The following NRG1 variants were observed in gnomAD, a reference collection of about 807,000 sequenced individuals.
NRG1 encodes neuregulin 1.
NRG1 carries 18 observed loss-of-function variants against 63.8 expected under a neutral mutation model. The observed-to-expected ratio is 0.28, with a 90% confidence interval of 0.19 to 0.42. The LOEUF is 0.42. Ranked by LOEUF, NRG1 falls within the 10% of genes least tolerant of loss-of-function variation. The pLI is 1.00. For missense variants in NRG1, 762 were observed against 814.7 expected (o/e 0.94, Z 0.79); for synonymous variants, 302 against 301.3 (o/e 1.00, Z -0.02).
At position 31,639,416 on chromosome 8, in the gene NRG1, C is replaced by T; in HGVS notation, c.22C>T (p.Arg8Ter). 3.3e-6 allele frequency: 5 copies of T among 1,534,810 alleles called. No individual in the cohort carries two copies. The highest frequency in any genetic ancestry group is 4.4e-6 in the Non-Finnish European group (5 of 1,146,482). Reference sequence around the variant, plus strand: ...CAGCATGGGGAAAGGACGCGCGGGCCGAGTTGGCACCACAGGTAAACAGGC... The same window carrying T: ...CAGCATGGGGAAAGGACGCGCGGGCTGAGTTGGCACCACAGGTAAACAGGC... Residue 8 changes from arginine to a stop codon, truncating the protein, a stop_gained, in exon 1 of 11, where the codon CGA (arginine) becomes TGA (stop). Transcript: ENST00000519301. LOFTEE classifies it high-confidence loss of function.
chr8:31,921,712 A>G (rs1249261405), intron 1 of NRG1, among the ~76,000 whole-genome samples: 2 of 152,146 alleles, frequency 1.3e-5, no homozygotes, highest in Non-Finnish European at 2.9e-5. Flanking sequence ...TGGAAACTAT[A>G]TTTGGCATCA....
chr8:32,258,986 T>G (rs1563241951), intron 1 of NRG1, among the ~76,000 whole-genome samples: 1 of 152,188 alleles, frequency 6.6e-6, no homozygotes, highest in Non-Finnish European at 1.5e-5. Flanking sequence ...GAAATGGAAG[T>G]CAGCACACCA....
chr8:32,522,113 A>G (rs191159187), intron 1 of NRG1, among the ~76,000 whole-genome samples: 6 of 152,246 alleles, frequency 3.9e-5, no homozygotes, highest in Admixed American at 2.0e-4. Flanking sequence ...TCCATTCCAG[A>G]GAAAGAATCA....
At chr8:32,660,574 A>C (rs1277897249) in intron 5 of NRG1, among the ~76,000 whole-genome samples, 2 of 152,232 alleles carry the variant, frequency 1.3e-5, no homozygotes, top group Non-Finnish European at 2.9e-5. Context: ...GACTTCAGGC[A>C]GCAAAGAATT....
At chr8:32,177,145 G>T (rs541531732) in intron 1 of NRG1, among the ~76,000 whole-genome samples, 2 of 152,184 alleles carry the variant, frequency 1.3e-5, no homozygotes, top group East Asian at 3.9e-4. Flanking sequence ...ATACTATGCA[G>T]CCATAAAAAA....
intron 1 of NRG1, among the ~76,000 whole-genome samples, chr8:32,012,236 G>A (rs544944224): frequency 3.3e-5 from 5 of 152,244 alleles, no homozygotes; most frequent in Admixed American, 6.6e-5. Context: ...GCTGCTGAAT[G>A]CTAATAGGTT....
intron 1 of NRG1, among the ~76,000 whole-genome samples, chr8:31,808,269 G>A (rs1822494353): frequency 6.6e-6 from 1 of 151,782 alleles, no homozygotes; most frequent in Admixed American, 6.6e-5. Context: ...GCTGATGTAT[G>A]GAAAATATTT....
At position 32,269,065 on chromosome 8, in the gene NRG1, C is replaced by G. The variant is rs117809479; in HGVS notation, c.38-326763C>G. Among the ~76,000 whole-genome samples the G allele has an allele frequency of 9.5e-3, 1,444 of 152,066 alleles. 11 individuals carry two copies. Among genetic ancestry groups the G allele is most frequent in the Non-Finnish European group, 0.016 (1,101 of 67,974 alleles). On this transcript the variant is annotated intron_variant, in intron 1 of 10. Transcript: ENST00000519301. ...CTGTACATTCCTCCTTCCCTCCTTC[C>G]CTCTCTTTTCCTCTCTCCCTCCCTC... is the stretch of plus-strand genomic sequence containing the variant.
At chr8:32,720,998 G>A (rs1820488512) in intron 5 of NRG1, among the ~76,000 whole-genome samples, 1 of 152,274 alleles carries the variant, frequency 6.6e-6, no homozygotes, top group African/African-American at 2.4e-5. Context: ...GTTTTATCAG[G>A]AGAAACACCC....
At chr8:32,369,058 T>G (rs892913407) in intron 1 of NRG1, among the ~76,000 whole-genome samples, 1 of 152,240 alleles carries the variant, frequency 6.6e-6, no homozygotes, top group African/African-American at 2.4e-5. Flanking sequence ...TATCCTGTGT[T>G]CCACTATTTT....
At chr8:32,065,083 G>A (rs1347515916) in intron 1 of NRG1, among the ~76,000 whole-genome samples, 2 of 151,704 alleles carry the variant, frequency 1.3e-5, no homozygotes, top group East Asian at 1.9e-4. Flanking sequence ...ATATGAAAAT[G>A]CACATAATCA....
chr8:32,312,153 G>GTTTTTTTTT (rs767575805), intron 1 of NRG1, among the ~76,000 whole-genome samples: 5 of 98,234 alleles, frequency 5.1e-5, no homozygotes, highest in Non-Finnish European at 6.0e-5. Context: ...ATTTGACCTT[G>GTTTTTTTTT]TTTGTTTTTT....
At chr8:31,996,037 G>A (rs1250771379) in intron 1 of NRG1, among the ~76,000 whole-genome samples, 8 of 150,854 alleles carry the variant, frequency 5.3e-5, no homozygotes, top group South Asian at 2.1e-4. Flanking sequence ...CTTCTTTCAC[G>A]GTGCCCATTT....
At position 32,062,846 on chromosome 8, in the gene NRG1, G is replaced by A. The variant is rs563103544; in HGVS notation, c.37+423415G>A. On this transcript the variant is annotated intron_variant, in intron 1 of 10. Coordinates refer to the NRG1 transcript ENST00000519301. ...CAATGACAAATCCCTGATTACAGAT[G>A]TATTCTCTTTTGGTAACCCACAGGG... is the stretch of plus-strand genomic sequence containing the variant. 7.9e-5 allele frequency among the ~76,000 whole-genome samples: 12 copies of A among 152,070 alleles called. No homozygotes were observed. The East Asian group carries it at 2.3e-3, about 29-fold the overall frequency.
intron 1 of NRG1, among the ~76,000 whole-genome samples, chr8:32,468,434 T>C (rs1587824483): frequency 2.0e-5 from 3 of 152,312 alleles, no homozygotes; most frequent in African/African-American, 7.2e-5. Context: ...TTCAAACCCT[T>C]TAATTTATAG....
chr8:32,518,243 G>A (rs183847757), intron 1 of NRG1, among the ~76,000 whole-genome samples: 1 of 152,196 alleles, frequency 6.6e-6, no homozygotes, highest in Non-Finnish European at 1.5e-5. Flanking sequence ...TTAGCATAAT[G>A]TCACCTATTG....
At chr8:32,325,448 CG>C (rs1801882198) in intron 1 of NRG1, among the ~76,000 whole-genome samples, 2 of 152,200 alleles carry the variant, frequency 1.3e-5, no homozygotes, top group African/African-American at 4.8e-5. Flanking sequence ...GTGGCACAAA[CG>C]TGGCTCACTG....
intron 1 of NRG1, among the ~76,000 whole-genome samples, chr8:32,246,265 C>CA (rs1338648259): frequency 2.0e-5 from 3 of 152,026 alleles, no homozygotes; most frequent in South Asian, 2.1e-4. Flanking sequence ...TTCCTATGTC[C>CA]AAAAAATCAA....
At chr8:32,095,692 C>T (rs1015455923) in intron 1 of NRG1, among the ~76,000 whole-genome samples, 8 of 152,016 alleles carry the variant, frequency 5.3e-5, no homozygotes, top group South Asian at 2.1e-4. Flanking sequence ...ACACCAAAAC[C>T]GAATGAATTA....
Sources: allele counts gnomAD v4.1 joint callset (sites outside exome capture counted in the v4.1 genomes callset), GRCh38; gene constraint gnomAD v4.1.1; transcripts MANE v1.5; gene names NCBI Gene and HGNC (gene_info 2026-07-23, HGNC 2026-07-21).